The following KDSR variants were observed in gnomAD, a reference collection of about 807,000 sequenced individuals.
KDSR encodes the protein 3-dehydrosphinganine reductase.
In KDSR, 23 loss-of-function variants were observed where a neutral mutation model predicts 41.3. The ratio of observed to expected loss-of-function variants is 0.56; its 90% CI spans 0.40 to 0.79. The LOEUF is 0.79. KDSR is among the 30% of genes least tolerant of loss of function. The pLI is 0.00. For synonymous variants in KDSR, 138 were observed against 151.7 expected (o/e 0.91, Z 0.66); for missense variants, 351 against 416.8 (o/e 0.84, Z 1.37).
At chr18:63,354,504 C>A (rs1321302444) in intron 5 of KDSR, among the ~76,000 whole-genome samples, 6 of 151,892 alleles carry the variant, frequency 4.0e-5, no homozygotes, top group Non-Finnish European at 8.8e-5. Flanking sequence ...CCCATCTCTA[C>A]TAAAATAAAA....
chr18:63,331,278 G>GAGAGAGAC lies in KDSR; in HGVS notation c.*496_*503dup, dbSNP rs199796012. The GAGAGAGAC allele has an allele frequency of 4.3e-4, 80 of 184,062 alleles. No individual in the cohort carries two copies. Among genetic ancestry groups the GAGAGAGAC allele is most frequent in the African/African-American group, 1.5e-3 (61 of 39,970 alleles). The allele number at this position is 184,062 out of a possible 1,614,324, so 11.4% of individuals were successfully genotyped here. On this transcript the variant is annotated 3_prime_UTR_variant, in exon 10 of 10. Transcript: ENST00000645214. ...ACACAAAGAAAGAAAGAGAGAGAGA[G>GAGAGAGAC]AGAGAGACAGAGAGACAGAGAGACA...
chr18:63,338,233 C>T (rs1914240688), intron 8 of KDSR, among the ~76,000 whole-genome samples: 1 of 152,230 alleles, frequency 6.6e-6, no homozygotes. Context: ...GGTTTACAGA[C>T]ATCCCTCATA....
At chr18:63,334,352 CTT>C (rs71162625) in intron 9 of KDSR, among the ~76,000 whole-genome samples, 4 of 143,642 alleles carry the variant, frequency 2.8e-5, no homozygotes, top group Non-Finnish European at 3.0e-5. Context: ...GCACTACTAT[CTT>C]TTTTTTTTTT....
rs1269814156 is a variant in KDSR at position 63,344,516 on chromosome 18, T to C, written c.610-23A>G. 2.6e-6 allele frequency: 4 copies of C among 1,535,798 alleles called. No individual in the cohort carries two copies. In the East Asian group the frequency reaches 6.7e-5, roughly 26 times the overall value. On this transcript the variant is annotated intron_variant, in intron 6 of 9. Coordinates refer to ENST00000645214, the MANE Select transcript of KDSR (RefSeq NM_002035.4). ...CACCTGCATTTCAAAACAACACGTG[T>C]ACCTTCAGTAAACAAGACACACTGA...
chr18:63,339,352 C>T (rs147113336), intron 7 of KDSR, among the ~76,000 whole-genome samples: 3 of 152,238 alleles, frequency 2.0e-5, no homozygotes, highest in African/African-American at 4.8e-5. Context: ...ATGAACCTGG[C>T]GCCCAAGGCA....
intron 1 of KDSR, among the ~76,000 whole-genome samples, chr18:63,364,450 CTT>C (rs796857450): frequency 4.8e-5 from 7 of 144,446 alleles, no homozygotes; most frequent in Admixed American, 1.4e-4. Flanking sequence ...CATTATTTTT[CTT>C]TTTTTTTTTT....
At chr18:63,339,296 C>T (rs1238880002) in intron 7 of KDSR, among the ~76,000 whole-genome samples, 1 of 152,224 alleles carries the variant, frequency 6.6e-6, no homozygotes, top group Non-Finnish European at 1.5e-5. Context: ...ACCAGCAACT[C>T]CATTCTGACC....
chr18:63,337,822 G>A (rs1213924502), intron 8 of KDSR, among the ~76,000 whole-genome samples: 1 of 152,158 alleles, frequency 6.6e-6, no homozygotes, highest in Non-Finnish European at 1.5e-5. Flanking sequence ...CAGCTACTCA[G>A]AAGGCCGAGG....
At chr18:63,362,681 C>A in intron 2 of KDSR, 98 bp downstream of exon 2, 1 of 757,360 alleles carries the variant, frequency 1.3e-6, no homozygotes, top group South Asian at 1.7e-5. Context: ...AAGGAAGAAG[C>A]GCTTTCTAGG....
intron 6 of KDSR, among the ~76,000 whole-genome samples, chr18:63,350,214 A>G (rs903254798): frequency 1.1e-4 from 17 of 152,224 alleles, no homozygotes; most frequent in Non-Finnish European, 1.5e-5. Context: ...ATAATGTGGA[A>G]GTCGGCTTCA....
intron 9 of KDSR, among the ~76,000 whole-genome samples, 160 bp from the exon 10 acceptor site, chr18:63,332,061 A>C (rs992449576): frequency 6.6e-6 from 1 of 152,250 alleles, no homozygotes; most frequent in African/African-American, 2.4e-5. Context: ...TGAGAACAGA[A>C]TGTGTGTGCT....
chr18:63,350,389 A>T (rs1914630758), intron 6 of KDSR, among the ~76,000 whole-genome samples: 1 of 152,198 alleles, frequency 6.6e-6, no homozygotes, highest in Admixed American at 6.5e-5. Flanking sequence ...GGGAGAGTCA[A>T]ATTATTGCTT....
intron 7 of KDSR, among the ~76,000 whole-genome samples, chr18:63,339,662 T>C (rs181065687): frequency 6.6e-6 from 1 of 152,260 alleles, no homozygotes; most frequent in African/African-American, 2.4e-5. Context: ...ATACACATTA[T>C]AGCTACTTGT....
rs1470970394 is a variant in KDSR, at chr18:63,331,516, C to T, written c.*266G>A. On this transcript the variant is annotated 3_prime_UTR_variant, in exon 10 of 10. Coordinates refer to ENST00000645214, the MANE Select transcript of KDSR (RefSeq NM_002035.4). Reference sequence around the variant, plus strand: ...AATCCTGTTCTTTACTTTGTTCACACGCTATTAATTCTCATACCTTCACCT... The same window carrying T: ...AATCCTGTTCTTTACTTTGTTCACATGCTATTAATTCTCATACCTTCACCT... The T allele has an allele frequency of 2.0e-5, 6 of 299,846 alleles. 1 individual carries two copies. In the South Asian group the frequency reaches 4.9e-4, roughly 24 times the overall value. The allele number at this position is 299,846 out of a possible 1,614,324, so 18.6% of individuals were successfully genotyped here. A position where few individuals can be genotyped will look rare whatever the true frequency, so the allele number is the denominator to read the frequency against.
intron 7 of KDSR, among the ~76,000 whole-genome samples, chr18:63,343,759 G>C (rs1599326880): frequency 6.9e-6 from 1 of 145,298 alleles, no homozygotes; most frequent in African/African-American, 2.6e-5. Context: ...AAAAAAAAAA[G>C]CAGTATAAAC....
rs1206880326 is a variant in KDSR at position 63,328,572 on chromosome 18, G to T, written c.*3210C>A. ...AGACGGGGTTTCACCATGTTGGCCA[G>T]GCTGGTCTCGAACTCCTGACCTCGT... On this transcript the variant is annotated 3_prime_UTR_variant, in exon 10 of 10. Coordinates refer to ENST00000645214, the MANE Select transcript of KDSR (RefSeq NM_002035.4). 6.4e-6 allele frequency: 1 copy of T among 157,184 alleles called. No homozygotes were observed. The highest frequency in any genetic ancestry group is 2.4e-5 in the African/African-American group (1 of 41,608). The allele number at this position is 157,184 out of a possible 1,614,324, so 9.7% of individuals were successfully genotyped here.
At chr18:63,332,230 G>A (rs554104952) in intron 9 of KDSR, among the ~76,000 whole-genome samples, 2 of 152,234 alleles carry the variant, frequency 1.3e-5, no homozygotes, top group Admixed American at 6.5e-5. Context: ...TACAATCAAG[G>A]CTTTTTTGGT....
chr18:63,342,875 C>G (rs781560889), intron 7 of KDSR, among the ~76,000 whole-genome samples: 6 of 152,222 alleles, frequency 3.9e-5, no homozygotes, highest in Middle Eastern at 3.4e-3. Flanking sequence ...GGAGGAGGGA[C>G]CTGGTGGGAG....
intron 8 of KDSR, 98 bp from the exon 9 acceptor site, chr18:63,335,456 T>C (rs1914126503): frequency 5.0e-6 from 4 of 796,406 alleles, no homozygotes; most frequent in Non-Finnish European, 8.4e-6. Flanking sequence ...TCGTTCACTT[T>C]AAGTGAGATA....
Sources: gnomAD v4.1 joint callset for allele counts (sites outside exome capture counted in the v4.1 genomes callset) on GRCh38, gnomAD v4.1.1 for gene constraint, MANE v1.5 for transcripts, NCBI Gene and HGNC (gene_info 2026-07-23, HGNC 2026-07-21) for gene names.